Variants in TEX29 observed in about 807,000 individuals in gnomAD.
The protein encoded by TEX29 is testis expressed 29, also known as testis-expressed protein 29.
TEX29 carries 26 observed loss-of-function variants against 18.2 expected under a neutral mutation model. The observed-to-expected ratio is 1.43, with a 90% CI of 1.04 to 1.98. TEX29 has a LOEUF of 1.98. Ranked by LOEUF, TEX29 falls within the 30% of genes most tolerant of loss-of-function variation. The probability of loss-of-function intolerance (pLI) is 0.00; values close to 1 mark genes in which losing one functional copy is unlikely to be tolerated. For synonymous variants in TEX29, 83 were observed against 78.5 expected (o/e 1.06, Z -0.31); for missense variants, 177 against 194.2 (o/e 0.91, Z 0.53).
chr13:111,321,085 AT>A, intron 2 of TEX29, 137 bp downstream of exon 2: 1 of 913,282 alleles, frequency 1.1e-6, no homozygotes, highest in Non-Finnish European at 1.7e-6. Context: ...AGGCAGCAAA[AT>A]GTGTGTTCAG....
chr13:111,328,102 A>G, intron 2 of TEX29, 81 bp from the exon 3 acceptor site: 1 of 890,810 alleles, frequency 1.1e-6, no homozygotes, highest in Non-Finnish European at 1.9e-6. Flanking sequence ...TGCTCCCCAC[A>G]CCGGTTCCCA....
At chr13:111,343,062 G>T in intron 5 of TEX29, 131 bp downstream of exon 5, 1 of 1,113,228 alleles carries the variant, frequency 9.0e-7, no homozygotes. Flanking sequence ...GTTGCAGTTT[G>T]TTCAAAATTG....
chr13:111,341,843 C>T (rs1048757438), intron 4 of TEX29, among the ~76,000 whole-genome samples: 6 of 152,256 alleles, frequency 3.9e-5, no homozygotes, highest in Admixed American at 2.0e-4. Context: ...AAGCCACTGA[C>T]GATGTAAGTG....
At position 111,344,115 on chromosome 13, in the gene TEX29, G is replaced by T; in HGVS notation, c.448G>T (p.Glu150Ter). 6.2e-7 allele frequency: 1 copy of T among 1,613,366 alleles called. No homozygotes were observed. The highest frequency in any genetic ancestry group is 1.1e-5 in the South Asian group (1 of 90,976). Residue 150 changes from glutamate (E) to a stop codon, truncating the protein, a stop_gained, in exon 6 of 6, where the codon GAG becomes TAG. Coordinates refer to ENST00000283547, the MANE Select transcript of TEX29 (RefSeq NM_152324.3). LOFTEE classifies it high-confidence loss of function. ...TGTITEAEET[E>*]D The stretch of plus-strand genomic sequence containing the variant: ...GACAATAACAGAAGCCGAAGAAACT[G>T]AGGACTGACTGAGACGCATGAAGAA...
At chr13:111,325,568 T>C (rs907294909) in intron 2 of TEX29, among the ~76,000 whole-genome samples, 3 of 151,992 alleles carry the variant, frequency 2.0e-5, no homozygotes, top group African/African-American at 7.3e-5. Context: ...CCTCAAAGCC[T>C]GTTAGGGGTT....
chr13:111,323,038 G>C (rs2093667248), intron 2 of TEX29, among the ~76,000 whole-genome samples: 1 of 152,236 alleles, frequency 6.6e-6, no homozygotes, highest in Non-Finnish European at 1.5e-5. Context: ...CAACTTTGCA[G>C]ATGTGGAAGA....
chr13:111,338,584 C>A (rs114010955), intron 3 of TEX29, among the ~76,000 whole-genome samples: 3 of 152,090 alleles, frequency 2.0e-5, no homozygotes, highest in East Asian at 1.9e-4. Flanking sequence ...TACTGCTTCA[C>A]GACTTGGAAG....
chr13:111,328,280 G>C lies in TEX29; in HGVS notation c.156G>C (p.Lys52Asn), dbSNP rs201585629. Residue 52 changes from lysine to asparagine, a missense_variant, in exon 3 of 6, where the codon AAG (lysine) becomes AAC (asparagine). By Grantham distance (94) the Lys-to-Asn change is moderately conservative. Coordinates refer to ENST00000283547, the MANE Select transcript of TEX29 (RefSeq NM_152324.3). ...GCTTCTACGAAGGCGTCTGCTACAA[G>C]AAAGCGGTTCCCAGTGAGTAGACGC... ...GCCFYEGVCY[K>N]KAVPIYIHVF... 2 of 1,613,586 alleles carry C rather than the reference G, an allele frequency of 1.2e-6. No homozygotes were observed. The highest frequency in any genetic ancestry group is 2.2e-5 in the South Asian group (2 of 91,050).
rs181185782 is a variant in TEX29 at position 111,331,624 on chromosome 13, C to T, written c.169+3331C>T. ...TGCTTTGGTGTCACATCTAAGAAAC[C>T]ATTGCCTAATCCAAGGTTGCAAATA... On this transcript the variant is annotated intron_variant, in intron 3 of 5. Coordinates refer to ENST00000283547, the MANE Select transcript of TEX29 (RefSeq NM_152324.3). 7.9e-5 allele frequency among the ~76,000 whole-genome samples: 12 copies of T among 152,196 alleles called. No individual in the cohort carries two copies. The East Asian group carries it at 2.1e-3, about 27-fold the overall frequency.
At chr13:111,333,510 G>C (rs776952719) in intron 3 of TEX29, among the ~76,000 whole-genome samples, 4 of 152,122 alleles carry the variant, frequency 2.6e-5, no homozygotes, top group Non-Finnish European at 5.9e-5. Flanking sequence ...CATCTCCAGT[G>C]AATTTTCATT....
upstream of TEX29, among the ~76,000 whole-genome samples, chr13:111,318,889 G>A (rs374031867): frequency 6.6e-6 from 1 of 152,248 alleles, no homozygotes; most frequent in African/African-American, 2.4e-5. Context: ...CTTATAAACA[G>A]CGGACACTTT....
At chr13:111,316,272 G>A (rs772747046), upstream of TEX29, 40 of 493,908 alleles carry the variant, frequency 8.1e-5, 1 homozygote, top group East Asian at 2.3e-3. Context: ...GTATCTGTTG[G>A]ATGAATAAAG....
At chr13:111,317,564 TG>T (rs2153640938), upstream of TEX29, among the ~76,000 whole-genome samples, 1 of 152,352 alleles carries the variant, frequency 6.6e-6, no homozygotes, top group African/African-American at 2.4e-5. Context: ...ATGGGAATAC[TG>T]GACAGGTGTT....
At chr13:111,324,826 A>T (rs1469595329) in intron 2 of TEX29, among the ~76,000 whole-genome samples, 1 of 152,222 alleles carries the variant, frequency 6.6e-6, no homozygotes, top group African/African-American at 2.4e-5. Flanking sequence ...CCTGCTGCAG[A>T]AGCAGCAAAA....
chr13:111,342,012 G>A (rs2093697324), intron 4 of TEX29, among the ~76,000 whole-genome samples: 1 of 152,202 alleles, frequency 6.6e-6, no homozygotes, highest in African/African-American at 2.4e-5. Flanking sequence ...CGTCCTCATT[G>A]CAGGGTGTCA....
intron 2 of TEX29, among the ~76,000 whole-genome samples, chr13:111,326,692 GCGC>G (rs2093674466): frequency 4.0e-5 from 2 of 49,434 alleles, no homozygotes; most frequent in East Asian, 1.7e-3. Flanking sequence ...CGTGAGCCTG[GCGC>G]TGGCGGGTGT....
rs2093701211 is a variant in TEX29 at position 111,344,207 on chromosome 13, T to A, written c.*84T>A. ...GTGCACTGTTAACAGTGTGATGGAA[T>A]GACCACCCAAAGAGAAAAAAATAAA... is the stretch of plus-strand genomic sequence containing the variant. On this transcript the variant is annotated 3_prime_UTR_variant, in exon 6 of 6. Coordinates refer to ENST00000283547, the MANE Select transcript of TEX29 (RefSeq NM_152324.3). 8.8e-7 allele frequency: 1 copy of A among 1,138,238 alleles called. No homozygotes were observed. Among genetic ancestry groups the A allele is most frequent in the Non-Finnish European group, 1.3e-6 (1 of 772,064 alleles). 70.5% of individuals were successfully genotyped at this position (1,138,238 alleles called of 1,614,324 possible).
intron 3 of TEX29, among the ~76,000 whole-genome samples, chr13:111,329,803 A>G (rs1427200718): frequency 1.3e-5 from 2 of 152,142 alleles, no homozygotes; most frequent in African/African-American, 4.8e-5. Flanking sequence ...GTCGCAAGCC[A>G]CAGCCCACCT....
intron 2 of TEX29, among the ~76,000 whole-genome samples, chr13:111,327,406 G>A (rs1567160246): frequency 6.6e-6 from 1 of 152,194 alleles, no homozygotes; most frequent in Admixed American, 6.5e-5. Flanking sequence ...TTACAGAGGG[G>A]CCAGGGAAGA....
Sources: allele counts gnomAD v4.1 joint callset (sites outside exome capture counted in the v4.1 genomes callset), GRCh38; gene constraint gnomAD v4.1.1; transcripts MANE v1.5; gene names NCBI Gene and HGNC (gene_info 2026-07-23, HGNC 2026-07-21).